Variants in MSRB3 observed in about 807,000 individuals in gnomAD.
MSRB3 encodes the protein methionine sulfoxide reductase B3, also known as methionine-R-sulfoxide reductase B3.
A neutral mutation model predicts 21.0 loss-of-function variants in MSRB3; 13 were observed. The ratio of observed to expected loss-of-function variants is 0.62; its 90% CI spans 0.40 to 0.98. The LOEUF (loss-of-function observed/expected upper bound fraction) is 0.98, where lower values mean the gene tolerates loss of function less well. Ranked by LOEUF, MSRB3 falls within the 50% of genes least tolerant of loss-of-function variation. The pLI is 0.00. For missense variants in MSRB3, 199 were observed against 230.3 expected (o/e 0.86, Z 0.88); for synonymous variants, 87 against 88.6 (o/e 0.98, Z 0.10).
chr12:65,377,766 A>G (rs970520942), intron 5 of MSRB3, among the ~76,000 whole-genome samples: 4 of 152,242 alleles, frequency 2.6e-5, no homozygotes, highest in African/African-American at 4.8e-5. Context: ...ACAGGGCCAG[A>G]GTTGACAATT....
rs1018830757 is a variant in MSRB3 at position 65,372,349 on chromosome 12, C to T, written c.292+3323C>T. Among the ~76,000 whole-genome samples, 5 of 152,178 alleles carry T rather than the reference C, an allele frequency of 3.3e-5. No homozygotes were observed. The East Asian group carries it at 5.8e-4, about 18-fold the overall frequency. On this transcript the variant is annotated intron_variant, in intron 5 of 6. Coordinates refer to ENST00000308259, the MANE Select transcript of MSRB3 (RefSeq NM_001031679.3). ...CAAAATTAGTTAAAATGTCAGCTGC[C>T]ATTTAGCTGTGGTCTCTGTGTACTG...
intron 5 of MSRB3, among the ~76,000 whole-genome samples, chr12:65,399,577 A>G (rs1395805756): frequency 6.6e-6 from 1 of 152,132 alleles, no homozygotes; most frequent in African/African-American, 2.4e-5. Flanking sequence ...CTGTCTTCCT[A>G]TTTGAATACC....
At chr12:65,348,749 C>G (rs182974897) in intron 4 of MSRB3, among the ~76,000 whole-genome samples, 4 of 152,266 alleles carry the variant, frequency 2.6e-5, no homozygotes, top group South Asian at 4.1e-4. Flanking sequence ...CCCCTACACA[C>G]GGCTTTCGAT....
chr12:65,309,453 A>G (rs545657435), intron 2 of MSRB3, among the ~76,000 whole-genome samples: 1 of 152,310 alleles, frequency 6.6e-6, no homozygotes, highest in African/African-American at 2.4e-5. Context: ...CATGCCAGGC[A>G]TTGTGTTAAG....
chr12:65,326,723 A>G (rs1875056416), intron 2 of MSRB3, 103 bp from the exon 3 acceptor site: 2 of 820,844 alleles, frequency 2.4e-6, no homozygotes, highest in Non-Finnish European at 4.2e-6. Context: ...TGGTCTGGTC[A>G]TTGACAAGTG....
intron 1 of MSRB3, chr12:65,279,080 T>C: frequency 7.1e-7 from 1 of 1,400,782 alleles, no homozygotes; most frequent in Non-Finnish European, 9.2e-7. Flanking sequence ...AGGTCAGGGC[T>C]GGTTTCCCCC....
rs566937017 is a variant in MSRB3, at chr12:65,311,624, A to G, written c.76+2969A>G. ...TACAGGTAGGGAAGAGAAGAGGCCA[A>G]AATTGGAAATACAGGAAGTGAAGGT... is the stretch of plus-strand genomic sequence containing the variant. On this transcript the variant is annotated intron_variant, in intron 2 of 6. Coordinates refer to ENST00000308259, the MANE Select transcript of MSRB3 (RefSeq NM_001031679.3). Among the ~76,000 whole-genome samples the G allele has an allele frequency of 2.0e-5, 3 of 152,194 alleles. No individual in the cohort carries two copies. In the South Asian group the frequency reaches 6.2e-4, roughly 32 times the overall value.
At chr12:65,379,342 C>T (rs190239519) in intron 5 of MSRB3, among the ~76,000 whole-genome samples, 6 of 152,204 alleles carry the variant, frequency 3.9e-5, no homozygotes, top group East Asian at 3.9e-4. Context: ...ACCTTGGAAG[C>T]GATTGTAGAG....
At chr12:65,309,037 T>C (rs1873825967) in intron 2 of MSRB3, 2 of 256,460 alleles carry the variant, frequency 7.8e-6, no homozygotes, top group African/African-American at 4.4e-5. Flanking sequence ...AAAATGCTTT[T>C]CATTCCACAT....
At chr12:65,405,900 C>A (rs1353569627) in intron 5 of MSRB3, among the ~76,000 whole-genome samples, 1 of 152,034 alleles carries the variant, frequency 6.6e-6, no homozygotes, top group African/African-American at 2.4e-5. Flanking sequence ...AATATCTATT[C>A]ATGTCTTTTG....
At chr12:65,347,428 C>T (rs376039085) in intron 4 of MSRB3, among the ~76,000 whole-genome samples, 149 of 152,114 alleles carry the variant, frequency 9.8e-4, no homozygotes, top group Non-Finnish European at 1.7e-3. Context: ...TTTTTGCACA[C>T]TGATTTTGTA....
In MSRB3 at chr12:65,465,777, A is replaced by T. The variant is rs1381386746; in HGVS notation, c.*2455A>T. 5 of 152,130 alleles carry T rather than the reference A, an allele frequency of 3.3e-5. No homozygotes were observed. The highest frequency in any genetic ancestry group is 3.3e-4 in the Admixed American group (5 of 15,260). The allele number at this position is 152,130 out of a possible 1,614,324, so 9.4% of individuals were successfully genotyped here. On this transcript the variant is annotated 3_prime_UTR_variant, in exon 7 of 7. Transcript: ENST00000308259. ...AATGACGTGTAAAATTTAAGACCAG[A>T]CCTCAGCCATCAGCGTCCAGACCAT... is the stretch of plus-strand genomic sequence containing the variant.
chr12:65,326,583 A>G (rs1387122649), intron 2 of MSRB3, among the ~76,000 whole-genome samples: 1 of 152,224 alleles, frequency 6.6e-6, no homozygotes, highest in African/African-American at 2.4e-5. Flanking sequence ...TTAGTATCAC[A>G]TGCTAGAGAC....
At position 65,463,425 on chromosome 12, in the gene MSRB3, C is replaced by A; in HGVS notation, c.*103C>A. On this transcript the variant is annotated 3_prime_UTR_variant, in exon 7 of 7. Transcript: ENST00000308259. Reference sequence around the variant, plus strand: ...TATATTTTTTCAAAAACTATAAGGGCAGTTTTGTGCTATTGATATTTTTTC... The same window carrying A: ...TATATTTTTTCAAAAACTATAAGGGAAGTTTTGTGCTATTGATATTTTTTC... The A allele has an allele frequency of 1.5e-6, 2 of 1,350,022 alleles. No homozygotes were observed. The highest frequency in any genetic ancestry group is 1.4e-5 in the South Asian group (1 of 73,962). The allele number at this position is 1,350,022 out of a possible 1,614,324, so 83.6% of individuals were successfully genotyped here.
chr12:65,391,159 G>C (rs1172440524), intron 5 of MSRB3, among the ~76,000 whole-genome samples: 1 of 152,198 alleles, frequency 6.6e-6, no homozygotes, highest in African/African-American at 2.4e-5. Context: ...AGGAGGAAAA[G>C]AGGAACTCTT....
At chr12:65,348,629 C>G (rs1047531619) in intron 4 of MSRB3, among the ~76,000 whole-genome samples, 13 of 152,088 alleles carry the variant, frequency 8.5e-5, no homozygotes, top group Non-Finnish European at 1.8e-4. Context: ...CTTCTGCTAG[C>G]TTTTGAATGT....
intron 1 of MSRB3, among the ~76,000 whole-genome samples, chr12:65,280,494 A>T (rs1326487667): frequency 1.3e-5 from 2 of 152,238 alleles, no homozygotes; most frequent in African/African-American, 4.8e-5. Context: ...CGGCCTTCGA[A>T]GACCAGAATC....
chr12:65,442,654 T>C (rs1299016752), intron 5 of MSRB3, among the ~76,000 whole-genome samples: 2 of 152,100 alleles, frequency 1.3e-5, no homozygotes, highest in East Asian at 3.9e-4. Flanking sequence ...AATGGATGCC[T>C]CACTGGACTG....
intron 5 of MSRB3, among the ~76,000 whole-genome samples, chr12:65,444,126 A>G (rs931594014): frequency 6.6e-6 from 1 of 152,166 alleles, no homozygotes; most frequent in African/African-American, 2.4e-5. Context: ...TTACCCATAT[A>G]AATAAATAAT....
Sources: gnomAD v4.1 joint callset for allele counts (sites outside exome capture counted in the v4.1 genomes callset) on GRCh38, gnomAD v4.1.1 for gene constraint, MANE v1.5 for transcripts, NCBI Gene and HGNC (gene_info 2026-07-23, HGNC 2026-07-21) for gene names.